The following PCDHGB1 variants were observed in gnomAD, a reference collection of about 807,000 sequenced individuals.
The protein encoded by PCDHGB1 is protocadherin gamma-B1.
Under a neutral mutation model 56.6 loss-of-function variants are expected in PCDHGB1, and 34 were observed. The observed-to-expected ratio is 0.60, with a 90% CI of 0.46 to 0.80. The LOEUF (loss-of-function observed/expected upper bound fraction) is 0.80. Among genes scored for constraint, PCDHGB1 ranks in the 30% least tolerant of loss-of-function variants. The pLI is 0.00. For synonymous variants in PCDHGB1, 561 were observed against 505.9 expected (o/e 1.11, Z -1.46); for missense variants, 1,278 against 1,204.6 (o/e 1.06, Z -0.90).
chr5:141,466,068 G>C (rs1278308918), intron 1 of PCDHGB1, among the ~76,000 whole-genome samples: 4 of 152,080 alleles, frequency 2.6e-5, no homozygotes, highest in Admixed American at 2.6e-4. Flanking sequence ...CTTGCAGTGA[G>C]CTGATATCAT....
intron 1 of PCDHGB1, chr5:141,375,317 C>T: frequency 1.2e-6 from 2 of 1,613,790 alleles, no homozygotes; most frequent in Non-Finnish European, 8.5e-7. Flanking sequence ...AGCTCTAGAC[C>T]GGGAAGAGGT....
chr5:141,443,656 A>T (rs139300845), intron 1 of PCDHGB1, among the ~76,000 whole-genome samples: 1 of 152,256 alleles, frequency 6.6e-6, no homozygotes, highest in African/African-American at 2.4e-5. Flanking sequence ...TTAGCATAGC[A>T]TTTTACTGAA....
chr5:141,457,809 C>A (rs1404645915), intron 1 of PCDHGB1, among the ~76,000 whole-genome samples: 1 of 152,180 alleles, frequency 6.6e-6, no homozygotes, highest in Non-Finnish European at 1.5e-5. Flanking sequence ...CTCTTGAGGT[C>A]CCAAGATAAA....
intron 1 of PCDHGB1, chr5:141,410,203 C>T: frequency 1.9e-6 from 3 of 1,614,022 alleles, no homozygotes; most frequent in Non-Finnish European, 2.5e-6. Flanking sequence ...TCGCAGACAA[C>T]TTGCAAGAGA....
intron 1 of PCDHGB1, chr5:141,428,156 C>A: frequency 6.3e-7 from 1 of 1,579,884 alleles, no homozygotes; most frequent in Non-Finnish European, 8.6e-7. Context: ...CGGGAACCTG[C>A]TGGTTGCTGT....
Position 141,476,019 on chromosome 5 carries a change from C to T in PCDHGB1, c.2410-18788C>T, listed in dbSNP as rs964061075. The T allele has an allele frequency of 3.9e-5, 54 of 1,390,282 alleles. 1 individual carries two copies. Among genetic ancestry groups the T allele is most frequent in the Non-Finnish European group, 4.9e-5 (51 of 1,034,212 alleles). 86.1% of individuals were successfully genotyped at this position (1,390,282 alleles called of 1,614,324 possible). A position where few individuals can be genotyped will look rare whatever the true frequency, so the allele number is the denominator to read the frequency against. Reference sequence around the variant, plus strand: ...ACGGCATCCAGAAAGCCATGTCGGACTCGGCGCCCAGCGCCCAAGCGCTAA... The same window carrying T: ...ACGGCATCCAGAAAGCCATGTCGGATTCGGCGCCCAGCGCCCAAGCGCTAA... On this transcript the variant is annotated intron_variant, in intron 1 of 3. Transcript: ENST00000523390. This position sits in a 1 kb window ranked among gnomAD's most constrained non-coding sequence, Gnocchi z 7.6.
chr5:141,404,513 G>C, intron 1 of PCDHGB1: 2 of 1,613,786 alleles, frequency 1.2e-6, no homozygotes, highest in Non-Finnish European at 8.5e-7. Context: ...GTGCTCCTTT[G>C]ACTATGAGCA....
At chr5:141,362,456 T>A (rs373414184) in intron 1 of PCDHGB1, 3 of 1,614,050 alleles carry the variant, frequency 1.9e-6, no homozygotes, top group Non-Finnish European at 2.5e-6. Context: ...ACCCCGGAAT[T>A]GGTTCCCGCG....
intron 1 of PCDHGB1, chr5:141,404,707 C>T: frequency 6.2e-7 from 1 of 1,614,122 alleles, no homozygotes; most frequent in Non-Finnish European, 8.5e-7. Flanking sequence ...CAGAGCCTGG[C>T]TACCTGGTGA....
chr5:141,413,322 G>A, intron 1 of PCDHGB1: 2 of 1,613,940 alleles, frequency 1.2e-6, no homozygotes, highest in Non-Finnish European at 1.7e-6. Flanking sequence ...GCTCTTTCGT[G>A]GGCAACATCT....
chr5:141,424,401 G>A (rs1167861346), intron 1 of PCDHGB1: 1 of 151,844 alleles, frequency 6.6e-6, no homozygotes, highest in Non-Finnish European at 1.5e-5. Flanking sequence ...CCATTACTAT[G>A]GTGAAGTTAC....
intron 1 of PCDHGB1, among the ~76,000 whole-genome samples, chr5:141,450,564 G>A (rs1397334260): frequency 2.0e-5 from 3 of 151,932 alleles, no homozygotes; most frequent in African/African-American, 7.3e-5. Context: ...TCGGCTCACT[G>A]CAACTTCTGC....
chr5:141,441,565 C>T (rs1049476318), intron 1 of PCDHGB1: 62 of 200,838 alleles, frequency 3.1e-4, no homozygotes, highest in African/African-American at 1.4e-3. Context: ...CAAGTAGACA[C>T]CTCCAACCTA....
At chr5:141,420,370 T>A in intron 1 of PCDHGB1, 1 of 1,352,032 alleles carries the variant, frequency 7.4e-7, no homozygotes, top group South Asian at 1.8e-5. Flanking sequence ...GATAACTTCT[T>A]CATAGAGTTC....
chr5:141,404,877 T>A (rs1242099855), intron 1 of PCDHGB1: 2 of 1,613,738 alleles, frequency 1.2e-6, no homozygotes, highest in Non-Finnish European at 1.7e-6. Flanking sequence ...AAACAGAGCC[T>A]TGTGGTGGCT....
chr5:141,409,033 A>C, intron 1 of PCDHGB1: 1 of 1,614,028 alleles, frequency 6.2e-7, no homozygotes, highest in South Asian at 1.1e-5. Context: ...ATGCTGAGAT[A>C]AACTACTACT....
chr5:141,464,725 A>G (rs538200804), intron 1 of PCDHGB1, among the ~76,000 whole-genome samples: 27 of 152,178 alleles, frequency 1.8e-4, no homozygotes, highest in African/African-American at 5.1e-4. Flanking sequence ...TCATATGTTT[A>G]AAAGCCAGTT....
At chr5:141,470,589 G>A (rs1593264687) in intron 1 of PCDHGB1, among the ~76,000 whole-genome samples, 1 of 152,300 alleles carries the variant, frequency 6.6e-6, no homozygotes, top group East Asian at 1.9e-4. Flanking sequence ...TCATAGGCAG[G>A]CGACCTGTGC....
At chr5:141,410,583 G>A (rs1257322419) in intron 1 of PCDHGB1, 1 of 1,610,052 alleles carries the variant, frequency 6.2e-7, no homozygotes, top group African/African-American at 1.3e-5. Context: ...CCTCATGGTG[G>A]GGAGGATTTG....
Sources: gnomAD v4.1 joint callset for allele counts (sites outside exome capture counted in the v4.1 genomes callset) on GRCh38, gnomAD v4.1.1 for gene constraint, Gnocchi (gnomAD v3.1) non-coding constraint, MANE v1.5 for transcripts, NCBI Gene and HGNC (gene_info 2026-07-23, HGNC 2026-07-21) for gene names.